TENM4: variants seen among roughly 807,000 people sequenced by gnomAD.
TENM4 encodes the protein teneurin-4.
TENM4 carries 82 observed loss-of-function variants against 243.3 expected under a neutral mutation model. The ratio of observed to expected loss-of-function variants is 0.34; its 90% CI spans 0.28 to 0.40. The LOEUF (loss-of-function observed/expected upper bound fraction) is 0.40, where lower values mean the gene tolerates loss of function less well. TENM4 is among the 10% of genes least tolerant of loss of function. The pLI is 1.00. For synonymous variants in TENM4, 1,412 were observed against 1,456.3 expected (o/e 0.97, Z 0.69); for missense variants, 3,138 against 3,673.3 (o/e 0.85, Z 3.77).
intron 12 of TENM4, among the ~76,000 whole-genome samples, chr11:78,835,769 C>G (rs1167585016): frequency 4.6e-5 from 7 of 152,194 alleles, no homozygotes; most frequent in Non-Finnish European, 5.9e-5. Context: ...ATTAGGTTAG[C>G]ACCCCTTGTT....
chr11:78,882,862 G>C (rs902121023), intron 9 of TENM4, among the ~76,000 whole-genome samples: 6 of 152,172 alleles, frequency 3.9e-5, no homozygotes, highest in African/African-American at 1.4e-4. Flanking sequence ...TCAAGCAAGG[G>C]TTCTGATTTT....
chr11:79,249,624 T>C (rs79736768), intron 2 of TENM4, among the ~76,000 whole-genome samples: 3,853 of 152,286 alleles, frequency 0.025, 153 homozygotes, highest in East Asian at 0.14. Flanking sequence ...ACACGCAGTA[T>C]TTATGTGAGA....
At chr11:78,690,415 T>G (rs1858792066) in intron 28 of TENM4, among the ~76,000 whole-genome samples, 1 of 152,078 alleles carries the variant, frequency 6.6e-6, no homozygotes, top group South Asian at 2.1e-4. Flanking sequence ...CTCTGGGAGG[T>G]AGAATTACAG....
chr11:78,816,735 G>C (rs965803189), intron 12 of TENM4, among the ~76,000 whole-genome samples: 5 of 152,210 alleles, frequency 3.3e-5, no homozygotes, highest in Non-Finnish European at 7.3e-5. Flanking sequence ...ACAACTATAA[G>C]TCATGAAGCC....
intron 3 of TENM4, among the ~76,000 whole-genome samples, chr11:79,164,481 G>C (rs1862859626): frequency 8.2e-6 from 1 of 121,712 alleles, no homozygotes; most frequent in African/African-American, 3.4e-5. Context: ...TATATATATA[G>C]TGTATACATA....
intron 1 of TENM4, among the ~76,000 whole-genome samples, chr11:79,381,936 C>T (rs774310192): frequency 6.6e-6 from 1 of 152,122 alleles, no homozygotes; most frequent in African/African-American, 2.4e-5. Flanking sequence ...ACGGGCTATA[C>T]ACAAATTTCA....
At position 79,032,268 on chromosome 11, in the gene TENM4, C is replaced by T. The variant is rs912305169; in HGVS notation, c.493+32470G>A. The stretch of plus-strand genomic sequence containing the variant: ...GATCACAGCAGTAATCACCCTGAGG[C>T]GGGGGGCACCAGGCCGGGGACTTCC... On this transcript the variant is annotated intron_variant, in intron 6 of 33. Coordinates refer to ENST00000278550, the MANE Select transcript of TENM4 (RefSeq NM_001098816.3). Among the ~76,000 whole-genome samples the T allele has an allele frequency of 1.2e-4, 18 of 152,194 alleles. No individual in the cohort carries two copies. In the South Asian group the frequency reaches 1.3e-3, roughly 11 times the overall value.
intron 3 of TENM4, among the ~76,000 whole-genome samples, chr11:79,154,464 A>G (rs532004655): frequency 3.3e-5 from 5 of 152,212 alleles, no homozygotes; most frequent in African/African-American, 1.2e-4. Context: ...GTCACATTTC[A>G]ACATGAGATT....
chr11:79,394,602 G>A (rs577150343), intron 1 of TENM4, among the ~76,000 whole-genome samples: 2 of 151,946 alleles, frequency 1.3e-5, no homozygotes, highest in East Asian at 3.9e-4. Context: ...GAACTACTGA[G>A]AGTTGAATCA....
intron 6 of TENM4, among the ~76,000 whole-genome samples, chr11:79,022,482 CA>C (rs1293882199): frequency 6.6e-6 from 1 of 152,106 alleles, no homozygotes; most frequent in Non-Finnish European, 1.5e-5. Context: ...GTCCCAGGAC[CA>C]GGGGAGAGCA....
intron 20 of TENM4, among the ~76,000 whole-genome samples, chr11:78,736,814 T>C (rs1036314981): frequency 6.6e-6 from 1 of 152,190 alleles, no homozygotes; most frequent in Non-Finnish European, 1.5e-5. Flanking sequence ...TTGGTAAGAA[T>C]TGATCTGAAA....
intron 2 of TENM4, among the ~76,000 whole-genome samples, chr11:79,277,292 A>G (rs1317847589): frequency 2.6e-5 from 4 of 152,186 alleles, no homozygotes; most frequent in Non-Finnish European, 5.9e-5. Flanking sequence ...CAGCTTCCAG[A>G]TAGAGGGGGC....
chr11:79,366,701 T>C (rs471435), intron 1 of TENM4, among the ~76,000 whole-genome samples: 26,978 of 152,238 alleles, frequency 0.18, 2,708 homozygotes, highest in East Asian at 0.33. Flanking sequence ...CTCTGCCATA[T>C]TCATTGTAAG....
intron 1 of TENM4, among the ~76,000 whole-genome samples, chr11:79,333,981 C>T (rs998280462): frequency 4.6e-5 from 7 of 152,162 alleles, no homozygotes; most frequent in Non-Finnish European, 1.0e-4. Context: ...GGACTATTGT[C>T]TTTGATCTAA....
chr11:79,218,808 G>C (rs1231626674), intron 2 of TENM4, among the ~76,000 whole-genome samples: 1 of 152,206 alleles, frequency 6.6e-6, no homozygotes, highest in African/African-American at 2.4e-5. Context: ...TTTGTTGCTG[G>C]AAAGTTTTTA....
At chr11:79,010,735 T>C (rs895880123) in intron 6 of TENM4, among the ~76,000 whole-genome samples, 1 of 152,120 alleles carries the variant, frequency 6.6e-6, no homozygotes, top group Non-Finnish European at 1.5e-5. Flanking sequence ...CCTCCCACCA[T>C]GTCCCTCCAA....
At chr11:79,281,979 C>T (rs1000359983) in intron 2 of TENM4, among the ~76,000 whole-genome samples, 2 of 152,300 alleles carry the variant, frequency 1.3e-5, no homozygotes, top group South Asian at 4.1e-4. Flanking sequence ...GGCCCTGTCC[C>T]ACAGGCCCAC....
chr11:78,801,224 G>T (rs619014), intron 15 of TENM4, among the ~76,000 whole-genome samples: 1 of 152,008 alleles, frequency 6.6e-6, no homozygotes, highest in East Asian at 1.9e-4. Flanking sequence ...GTCATTCCCC[G>T]CTTCCAACTC....
intron 1 of TENM4, among the ~76,000 whole-genome samples, chr11:79,431,078 CA>C (rs1590961812): frequency 6.6e-6 from 1 of 152,118 alleles, no homozygotes; most frequent in East Asian, 1.9e-4. Flanking sequence ...AAATAAAACA[CA>C]AAACTTAATA....
Sources: allele counts gnomAD v4.1 joint callset (sites outside exome capture counted in the v4.1 genomes callset), GRCh38; gene constraint gnomAD v4.1.1; transcripts MANE v1.5; gene names NCBI Gene and HGNC (gene_info 2026-07-23, HGNC 2026-07-21).